MRTFA: variants seen among roughly 807,000 people sequenced by gnomAD.
MRTFA encodes the protein myocardin related transcription factor A.
A neutral mutation model predicts 83.5 loss-of-function variants in MRTFA; 20 were observed. The observed-to-expected ratio is 0.24, with a 90% CI of 0.17 to 0.35. The LOEUF (loss-of-function observed/expected upper bound fraction) is 0.35. MRTFA is among the 10% of genes least tolerant of loss of function. The pLI, the probability that MRTFA is intolerant of heterozygous loss-of-function variation, is 1.00. For missense variants in MRTFA, 1,200 were observed against 1,224.7 expected, an observed-to-expected ratio of 0.98 and a Z score of 0.30; for synonymous variants, 659 against 541.2, an observed-to-expected ratio of 1.22 and a Z score of -3.02.
At chr22:40,421,432 G>A (rs1183836560) in intron 9 of MRTFA, among the ~76,000 whole-genome samples, 2 of 152,216 alleles carry the variant, frequency 1.3e-5, no homozygotes, top group Non-Finnish European at 2.9e-5. Context: ...GGCTGCGCCA[G>A]ACCAGGCACC....
At chr22:40,504,707 G>C (rs775048081) in intron 3 of MRTFA, among the ~76,000 whole-genome samples, 1 of 152,202 alleles carries the variant, frequency 6.6e-6, no homozygotes, top group Non-Finnish European at 1.5e-5. Flanking sequence ...AAGAGGATTT[G>C]ATCAGAATCC....
chr22:40,466,505 C>G (rs1034539658), intron 3 of MRTFA, among the ~76,000 whole-genome samples: 1 of 151,966 alleles, frequency 6.6e-6, no homozygotes, highest in Non-Finnish European at 1.5e-5. Context: ...GCCTCTTTGT[C>G]AGAAAGAAAA....
At chr22:40,494,084 T>C (rs1354231590) in intron 3 of MRTFA, among the ~76,000 whole-genome samples, 2 of 152,220 alleles carry the variant, frequency 1.3e-5, no homozygotes, top group Non-Finnish European at 2.9e-5. Context: ...TGTGTCTCTA[T>C]GCCTATATGG....
chr22:40,455,201 A>T (rs1283762739), intron 4 of MRTFA, among the ~76,000 whole-genome samples: 1 of 152,224 alleles, frequency 6.6e-6, no homozygotes, highest in East Asian at 1.9e-4. Flanking sequence ...AAAATTAAAT[A>T]AAAATTAAAA....
At chr22:40,569,715 TAATACATACATA>T (rs1353188277) in intron 2 of MRTFA, 4 of 140,194 alleles carry the variant, frequency 2.9e-5, no homozygotes, top group East Asian at 4.1e-4. Context: ...ACTCCATAAT[TAATACATACATA>T]CATACATACA....
chr22:40,596,250 G>A (rs540675401), intron 1 of MRTFA, among the ~76,000 whole-genome samples: 151 of 152,186 alleles, frequency 9.9e-4, no homozygotes, highest in African/African-American at 3.5e-3. Flanking sequence ...GCTGAGTGCC[G>A]TAGCTCAGTT....
At chr22:40,627,045 CA>C (rs1486419412) in intron 1 of MRTFA, among the ~76,000 whole-genome samples, 1 of 149,726 alleles carries the variant, frequency 6.7e-6, no homozygotes, top group African/African-American at 2.4e-5. Context: ...TAACCACAAT[CA>C]AGAGACCCTG....
chr22:40,475,387 A>G (rs2053975994), intron 3 of MRTFA, among the ~76,000 whole-genome samples: 1 of 152,022 alleles, frequency 6.6e-6, no homozygotes, highest in African/African-American at 2.4e-5. Context: ...AAATAGAAAA[A>G]TTAGCCAGGC....
chr22:40,579,569 A>G (rs968124490), intron 2 of MRTFA, among the ~76,000 whole-genome samples: 1 of 152,126 alleles, frequency 6.6e-6, no homozygotes, highest in Admixed American at 6.6e-5. Flanking sequence ...CAATAAAGAC[A>G]CAAATGCTGG....
chr22:40,546,313 G>C (rs1463624094), intron 3 of MRTFA, among the ~76,000 whole-genome samples: 1 of 152,214 alleles, frequency 6.6e-6, no homozygotes, highest in Non-Finnish European at 1.5e-5. Flanking sequence ...CTGAATGCTG[G>C]AGAGTAACAA....
At chr22:40,497,179 C>T (rs140222772) in intron 3 of MRTFA, among the ~76,000 whole-genome samples, 2 of 152,076 alleles carry the variant, frequency 1.3e-5, no homozygotes, top group Non-Finnish European at 2.9e-5. Context: ...GAAGAGGGGA[C>T]CTTGCTGGGG....
chr22:40,480,791 C>T (rs2054076716), intron 3 of MRTFA, among the ~76,000 whole-genome samples: 1 of 144,686 alleles, frequency 6.9e-6, no homozygotes, highest in South Asian at 2.2e-4. Context: ...GCTCTGTCAC[C>T]AGGCTGGAGT....
At chr22:40,557,500 G>A (rs1219994981) in intron 2 of MRTFA, among the ~76,000 whole-genome samples, 5 of 152,186 alleles carry the variant, frequency 3.3e-5, no homozygotes, top group Admixed American at 6.5e-5. Flanking sequence ...GCCAGGCACA[G>A]TGGCTCACTC....
chr22:40,411,637 C>A lies in MRTFA; in HGVS notation c.2849G>T (p.Ser950Ile). 1 of 1,613,432 alleles carries A rather than the reference C, an allele frequency of 6.2e-7. No homozygotes were observed. The highest frequency in any genetic ancestry group is 8.5e-7 in the Non-Finnish European group (1 of 1,179,924). ...CGGGGGGTGGTCCAGGATGGCAGTG[C>A]TGCTCAGCATCTGGCTATGGAGGTC... Residue 950 changes from serine (S) to isoleucine (I), a missense_variant, in exon 15 of 15, where the codon AGC (serine) becomes ATC (isoleucine). Physicochemically the swap from Ser to Ile is moderately radical, Grantham distance 142 (BLOSUM62 -2). This residue lies in a region of MRTFA where 1,107 missense variants were observed against 1,041.8 expected (regional missense o/e 1.06). Transcript: ENST00000355630.
chr22:40,490,934 T>A (rs2147201781), intron 3 of MRTFA, among the ~76,000 whole-genome samples: 1 of 152,368 alleles, frequency 6.6e-6, no homozygotes, highest in South Asian at 2.1e-4. Context: ...TGTCGTTTTT[T>A]TCATAACCTA....
intron 1 of MRTFA, among the ~76,000 whole-genome samples, chr22:40,629,095 T>C (rs1467025262): frequency 6.6e-6 from 1 of 151,418 alleles, no homozygotes; most frequent in Non-Finnish European, 1.5e-5. Context: ...TTGAGACTAG[T>C]CTAGGCAATA....
At chr22:40,424,505 G>T in intron 7 of MRTFA, 124 bp from the exon 8 acceptor site, 1 of 1,006,252 alleles carries the variant, frequency 9.9e-7, no homozygotes, top group Non-Finnish European at 1.4e-6. Flanking sequence ...CGTGAGGCAG[G>T]CAAGCCGAGG....
intron 1 of MRTFA, among the ~76,000 whole-genome samples, chr22:40,598,742 C>T (rs925914655): frequency 6.6e-6 from 1 of 151,678 alleles, no homozygotes; most frequent in African/African-American, 2.4e-5. Context: ...CCTGTAATTC[C>T]AGTATTTTGG....
chr22:40,580,902 A>G (rs1310984263), intron 2 of MRTFA, among the ~76,000 whole-genome samples: 1 of 152,192 alleles, frequency 6.6e-6, no homozygotes, highest in Non-Finnish European at 1.5e-5. Flanking sequence ...CTGGGACTGT[A>G]GGCATGTTTT....
Sources: allele counts gnomAD v4.1 joint callset (sites outside exome capture counted in the v4.1 genomes callset), GRCh38; gene constraint gnomAD v4.1.1; regional missense constraint gnomAD v4.1.1; transcripts MANE v1.5; gene names NCBI Gene and HGNC (gene_info 2026-07-23, HGNC 2026-07-21).